Variants in RAC3 observed in about 807,000 individuals in gnomAD.
RAC3 encodes ras-related C3 botulinum toxin substrate 3.
Under a neutral mutation model 19.0 loss-of-function variants are expected in RAC3, and 9 were observed. The ratio of observed to expected loss-of-function variants is 0.47; its 90% CI spans 0.29 to 0.83. The LOEUF (loss-of-function observed/expected upper bound fraction) is 0.83, where lower values mean the gene tolerates loss of function less well. Ranked by LOEUF, RAC3 falls within the 40% of genes least tolerant of loss-of-function variation. The pLI is 0.09. For missense variants in RAC3, 203 were observed against 260.8 expected (o/e 0.78, Z 1.53); for synonymous variants, 146 against 111.8 (o/e 1.31, Z -1.93).
Position 82,033,864 on chromosome 17 carries a change from G to A in RAC3, c.*35G>A. ...CCACCCGAGCCTGAGGGCTGGCGGG[G>A]AGCAGCCCTGGACGTGTCCGCTGTT... On this transcript the variant is annotated 3_prime_UTR_variant, in exon 6 of 6. Transcript: ENST00000306897. This position sits in a 1 kb window ranked among gnomAD's most constrained non-coding sequence, Gnocchi z 6.2. 1 of 1,563,562 alleles carries A rather than the reference G, an allele frequency of 6.4e-7. No individual in the cohort carries two copies. The highest frequency in any genetic ancestry group is 8.7e-7 in the Non-Finnish European group (1 of 1,154,286).
In RAC3 at chr17:82,032,691, C is replaced by G. The variant is rs747843021; in HGVS notation, c.108-20C>G. On this transcript the variant is annotated intron_variant, in intron 2 of 5. Coordinates refer to ENST00000306897, the MANE Select transcript of RAC3 (RefSeq NM_005052.3). ...CTGGGACCCCTCCCAAGCCCTGACC[C>G]TGCCCTCACTGCTCTGCAGTTTTGA... The G allele has an allele frequency of 1.2e-6, 2 of 1,608,096 alleles. No homozygotes were observed. The highest frequency in any genetic ancestry group is 2.7e-5 in the African/African-American group (2 of 74,840).
Position 82,032,931 on chromosome 17 carries a change from C to T in RAC3, c.226-16C>T, listed in dbSNP as rs777207697. 7 of 1,613,436 alleles carry T rather than the reference C, an allele frequency of 4.3e-6. No individual in the cohort carries two copies. In the East Asian group the frequency reaches 1.6e-4, roughly 36 times the overall value. On this transcript the variant is annotated splice_polypyrimidine_tract_variant and intron_variant, in intron 3 of 5. Transcript: ENST00000306897. ...GAGCCCCTGACCACTCCACCAGGTC[C>T]CACCTTTTTCCCAAGGACGTCTTTC... is the stretch of plus-strand genomic sequence containing the variant.
intron 3 of RAC3, 44 bp from the exon 4 acceptor site, chr17:82,032,902 TG>T (rs764361333): frequency 6.2e-7 from 1 of 1,609,954 alleles, no homozygotes; most frequent in African/African-American, 1.3e-5. Flanking sequence ...AGCAGGGCCC[TG>T]GGGAGCCCCT....
At chr17:82,031,836 G>A (rs1376126698) in intron 1 of RAC3, 40 bp downstream of exon 1, 7 of 957,104 alleles carry the variant, frequency 7.3e-6, no homozygotes, top group African/African-American at 1.8e-5. Flanking sequence ...TGGGCTGGGC[G>A]GGAGGGGGGC....
At position 82,034,015 on chromosome 17, in the gene RAC3, C is replaced by T; in HGVS notation, c.*186C>T. On this transcript the variant is annotated 3_prime_UTR_variant, in exon 6 of 6. Transcript: ENST00000306897. ...TCTGCCGCCTCATTCTGGGGTGTGG[C>T]TCCAGCCTTCCCTGGCCCCCGCCGG... is the stretch of plus-strand genomic sequence containing the variant. 3 of 751,572 alleles carry T rather than the reference C, an allele frequency of 4.0e-6. No individual in the cohort carries two copies. The highest frequency in any genetic ancestry group is 6.0e-6 in the Non-Finnish European group (3 of 502,294). The allele number at this position is 751,572 out of a possible 1,614,324, so 46.6% of individuals were successfully genotyped here. A position where few individuals can be genotyped will look rare whatever the true frequency, so the allele number is the denominator to read the frequency against.
At position 82,033,866 on chromosome 17, in the gene RAC3, G is replaced by A; in HGVS notation, c.*37G>A. 4 of 1,562,982 alleles carry A rather than the reference G, an allele frequency of 2.6e-6. No individual in the cohort carries two copies. Among genetic ancestry groups the A allele is most frequent in the South Asian group, 1.2e-5 (1 of 86,076 alleles). ...ACCCGAGCCTGAGGGCTGGCGGGGA[G>A]CAGCCCTGGACGTGTCCGCTGTTGT... On this transcript the variant is annotated 3_prime_UTR_variant, in exon 6 of 6. Coordinates refer to ENST00000306897, the MANE Select transcript of RAC3 (RefSeq NM_005052.3). The surrounding 1 kb of genome is among the most constrained non-coding windows in gnomAD (Gnocchi z 6.2).
Position 82,032,384 on chromosome 17 carries a change from C to G in RAC3, c.36-3C>G. ...GGAGCCACGTGGCTTGCCCTGTCCGCAGCGCCGTGGGGAAGACATGCTTGC... is the reference window on the plus strand; with the variant it reads ...GGAGCCACGTGGCTTGCCCTGTCCGGAGCGCCGTGGGGAAGACATGCTTGC... On this transcript the variant is annotated splice_region_variant and splice_polypyrimidine_tract_variant and intron_variant, in intron 1 of 5. Transcript: ENST00000306897. 6.2e-7 allele frequency: 1 copy of G among 1,612,500 alleles called. No homozygotes were observed. The highest frequency in any genetic ancestry group is 8.5e-7 in the Non-Finnish European group (1 of 1,179,824).
At position 82,034,188 on chromosome 17, in the gene RAC3, A is replaced by C; in HGVS notation, c.*359A>C. 4.9e-6 allele frequency: 1 copy of C among 202,380 alleles called. No individual in the cohort carries two copies. Among genetic ancestry groups the C allele is most frequent in the African/African-American group, 2.3e-5 (1 of 42,880 alleles). The allele number at this position is 202,380 out of a possible 1,614,324, so 12.5% of individuals were successfully genotyped here. A position where few individuals can be genotyped will look rare whatever the true frequency, so the allele number is the denominator to read the frequency against. On this transcript the variant is annotated 3_prime_UTR_variant, in exon 6 of 6. Coordinates refer to ENST00000306897, the MANE Select transcript of RAC3 (RefSeq NM_005052.3). ...CAGCCCCTTCTCATTTTATACAATA[A>C]ACATTCTCCACCTACACCTCTTGCC...
Position 82,032,840 on chromosome 17 carries a change from T to C in RAC3, c.225+12T>C, listed in dbSNP as rs1453272359. 6 of 1,612,436 alleles carry C rather than the reference T, an allele frequency of 3.7e-6. No homozygotes were observed. The highest frequency in any genetic ancestry group is 5.1e-6 in the Non-Finnish European group (6 of 1,179,442). On this transcript the variant is annotated intron_variant, in intron 3 of 5. Transcript: ENST00000306897. ...CCTACCCCCAAACTGTACGTAACAA[T>C]GGGGCCAGCCCCGGGAGCTGGGGGG...
At position 82,033,093 on chromosome 17, in the gene RAC3, A is replaced by G; in HGVS notation, c.288+84A>G. 2.3e-6 allele frequency: 3 copies of G among 1,306,350 alleles called. No homozygotes were observed. Among genetic ancestry groups the G allele is most frequent in the Admixed American group, 2.3e-5 (1 of 44,192 alleles). The allele number at this position is 1,306,350 out of a possible 1,614,324, so 80.9% of individuals were successfully genotyped here. ...AAGTTGTCCTTTAGAGGCAATTGCG[A>G]TACGGGTTCTGCCTGGGGTAGGCAC... is the stretch of plus-strand genomic sequence containing the variant. On this transcript the variant is annotated intron_variant, in intron 4 of 5. Transcript: ENST00000306897. This position sits in a 1 kb window ranked among gnomAD's most constrained non-coding sequence, Gnocchi z 6.2.
Position 82,033,419 on chromosome 17 carries a change from T to C in RAC3, c.289-21T>C. 1.9e-6 allele frequency: 3 copies of C among 1,568,924 alleles called. No homozygotes were observed. Among genetic ancestry groups the C allele is most frequent in the Non-Finnish European group, 2.6e-6 (3 of 1,157,706 alleles). Reference sequence around the variant, plus strand: ...GGGTAGCCGACTCCGGGCCTAGGGATCAGAGCGTCTGTCCCTGCAGTGGTA... The same window carrying C: ...GGGTAGCCGACTCCGGGCCTAGGGACCAGAGCGTCTGTCCCTGCAGTGGTA... On this transcript the variant is annotated intron_variant, in intron 4 of 5. Transcript: ENST00000306897. This position sits in a 1 kb window ranked among gnomAD's most constrained non-coding sequence, Gnocchi z 6.2.
chr17:82,032,054 G>A (rs1433476329), intron 1 of RAC3: 1 of 262,172 alleles, frequency 3.8e-6, no homozygotes, highest in Non-Finnish European at 7.2e-6. Context: ...CGGGGCCGCC[G>A]CCCTGTCCTC....
chr17:82,033,648 A>G lies in RAC3; in HGVS notation c.448+49A>G. 1 of 1,602,814 alleles carries G rather than the reference A, an allele frequency of 6.2e-7. No individual in the cohort carries two copies. Among genetic ancestry groups the G allele is most frequent in the Non-Finnish European group, 8.5e-7 (1 of 1,172,712 alleles). On this transcript the variant is annotated intron_variant, in intron 5 of 5. Coordinates refer to ENST00000306897, the MANE Select transcript of RAC3 (RefSeq NM_005052.3). This position sits in a 1 kb window ranked among gnomAD's most constrained non-coding sequence, Gnocchi z 6.2. ...AGGGGAGGGGTGGGGAGGCGCAGTA[A>G]GGGCCTCCCTGTACCCCACCCTCAC... is the stretch of plus-strand genomic sequence containing the variant.
At position 82,033,921 on chromosome 17, in the gene RAC3, T is replaced by G; in HGVS notation, c.*92T>G. ...AGACGTGTGGTGTCCCTGAGTCGGC[T>G]GTGGGGAGCGGTGGGGGTGGGCCGG... is the stretch of plus-strand genomic sequence containing the variant. On this transcript the variant is annotated 3_prime_UTR_variant, in exon 6 of 6. Transcript: ENST00000306897. The surrounding 1 kb of genome is among the most constrained non-coding windows in gnomAD (Gnocchi z 6.2). 7 of 1,403,478 alleles carry G rather than the reference T, an allele frequency of 5.0e-6. No individual in the cohort carries two copies. Among genetic ancestry groups the G allele is most frequent in the East Asian group, 5.7e-5 (2 of 35,358 alleles). 86.9% of individuals were successfully genotyped at this position (1,403,478 alleles called of 1,614,324 possible).
chr17:82,032,643 C>T (rs1469257414), intron 2 of RAC3, 68 bp from the exon 3 acceptor site: 4 of 1,503,084 alleles, frequency 2.7e-6, no homozygotes, highest in Admixed American at 1.7e-5. Flanking sequence ...CCCCAAGACA[C>T]AGGCCAGCAG....
At position 82,033,111 on chromosome 17, in the gene RAC3, G is replaced by A. The variant is rs934005856; in HGVS notation, c.288+102G>A. The A allele has an allele frequency of 3.1e-6, 4 of 1,305,644 alleles. No homozygotes were observed. The highest frequency in any genetic ancestry group is 2.9e-5 in the African/African-American group (2 of 68,792). The allele number at this position is 1,305,644 out of a possible 1,614,324, so 80.9% of individuals were successfully genotyped here. A position where few individuals can be genotyped will look rare whatever the true frequency, so the allele number is the denominator to read the frequency against. On this transcript the variant is annotated intron_variant, in intron 4 of 5. Coordinates refer to ENST00000306897, the MANE Select transcript of RAC3 (RefSeq NM_005052.3). The surrounding 1 kb of genome is among the most constrained non-coding windows in gnomAD (Gnocchi z 6.2). ...AATTGCGATACGGGTTCTGCCTGGG[G>A]TAGGCACACGGAGTGGGGTCTGAAG...
intron 1 of RAC3, 177 bp from the exon 2 acceptor site, chr17:82,032,210 G>T (rs2043437522): frequency 1.6e-6 from 1 of 623,270 alleles, no homozygotes; most frequent in Non-Finnish European, 2.8e-6. Context: ...AGCCCCCGGA[G>T]CCCGGCCTGC....
At position 82,033,163 on chromosome 17, in the gene RAC3, G is replaced by A. The variant is rs528198490; in HGVS notation, c.288+154G>A. On this transcript the variant is annotated intron_variant, in intron 4 of 5. Coordinates refer to ENST00000306897, the MANE Select transcript of RAC3 (RefSeq NM_005052.3). The surrounding 1 kb of genome is among the most constrained non-coding windows in gnomAD (Gnocchi z 6.2). ...TGACCATGGGGGCTGATGGGGTGCC[G>A]TGGTGGTGGTCACAGCTCTCAGAAT... Among the ~76,000 whole-genome samples the A allele has an allele frequency of 6.6e-6, 1 of 152,166 alleles. No homozygotes were observed. The highest frequency in any genetic ancestry group is 1.5e-5 in the Non-Finnish European group (1 of 68,030).
At chr17:82,032,133 C>G (rs912092123) in intron 1 of RAC3, 1 of 537,660 alleles carries the variant, frequency 1.9e-6, no homozygotes, top group Admixed American at 3.4e-5. Flanking sequence ...CCTGCCGCCA[C>G]CCTCGGAGTC....
Sources: allele counts gnomAD v4.1 joint callset (sites outside exome capture counted in the v4.1 genomes callset), GRCh38; gene constraint gnomAD v4.1.1; non-coding constraint Gnocchi (gnomAD v3.1); transcripts MANE v1.5; gene names NCBI Gene and HGNC (gene_info 2026-07-23, HGNC 2026-07-21).